Variants in LAMA4 observed in about 807,000 individuals in gnomAD.
LAMA4 encodes laminin subunit alpha 4.
A neutral mutation model predicts 207.1 loss-of-function variants in LAMA4; 127 were observed. The observed-to-expected ratio is 0.61, with a 90% CI of 0.53 to 0.71. The LOEUF is 0.71. Ranked by LOEUF, LAMA4 falls within the 30% of genes least tolerant of loss-of-function variation. LAMA4 has a pLI of 0.00. For synonymous variants in LAMA4, 761 were observed against 816.0 expected (o/e 0.93, Z 1.15); for missense variants, 2,093 against 2,246.5 (o/e 0.93, Z 1.38).
intron 10 of LAMA4, among the ~76,000 whole-genome samples, chr6:112,176,896 A>G (rs1782055490): frequency 6.6e-6 from 1 of 152,202 alleles, no homozygotes; most frequent in South Asian, 2.1e-4. Flanking sequence ...TCCCATGCTT[A>G]AAGGATCAAA....
At position 112,131,009 on chromosome 6, in the gene LAMA4, A is replaced by G. The variant is rs901777581; in HGVS notation, c.3927T>C (p.Asp1309=). 28 of 1,612,996 alleles carry G rather than the reference A, an allele frequency of 1.7e-5. No individual in the cohort carries two copies. Among genetic ancestry groups the G allele is most frequent in the Non-Finnish European group, 2.0e-5 (24 of 1,179,216 alleles). ...AGCTAATGACGAAGTGGGACAGCCC[A>G]TCATTGTACTGCTTATCTACTGACT... The part of the protein sequence containing the change: ...KVQSVDKQYN[D]GLSHFVISSV... The change falls in exon 29 of 39, where the codon GAT becomes GAC. Residue 1309 remains aspartate (D), a synonymous_variant. Coordinates refer to ENST00000230538, the MANE Select transcript of LAMA4 (RefSeq NM_001105206.3).
At chr6:112,224,100 T>A (rs1554361545) in intron 2 of LAMA4, among the ~76,000 whole-genome samples, 1 of 152,168 alleles carries the variant, frequency 6.6e-6, no homozygotes, top group African/African-American at 2.4e-5. Flanking sequence ...CTGGCCTTCC[T>A]CTCACATACC....
intron 18 of LAMA4, among the ~76,000 whole-genome samples, chr6:112,145,883 T>C (rs1356485395): frequency 6.6e-6 from 1 of 152,180 alleles, no homozygotes; most frequent in Non-Finnish European, 1.5e-5. Flanking sequence ...ATTTCTAATA[T>C]AACTGATATA....
chr6:112,204,447 T>C (rs1383533781), intron 4 of LAMA4, among the ~76,000 whole-genome samples: 6 of 151,308 alleles, frequency 4.0e-5, no homozygotes, highest in African/African-American at 1.5e-4. Flanking sequence ...CCATCTGAGA[T>C]TGCCTGCCTA....
chr6:112,229,899 A>G (rs542491204), intron 2 of LAMA4, among the ~76,000 whole-genome samples: 1 of 152,216 alleles, frequency 6.6e-6, no homozygotes, highest in Non-Finnish European at 1.5e-5. Flanking sequence ...GTCAATTTTG[A>G]TAGGTTTCTC....
chr6:112,114,621 CA>C, intron 37 of LAMA4, 41 bp downstream of exon 37: 1 of 1,240,574 alleles, frequency 8.1e-7, no homozygotes, highest in Non-Finnish European at 1.2e-6. Flanking sequence ...CATAATCTTA[CA>C]GTTGGGTGTG....
intron 2 of LAMA4, among the ~76,000 whole-genome samples, chr6:112,235,290 T>C (rs181161182): frequency 6.6e-6 from 1 of 152,320 alleles, no homozygotes; most frequent in East Asian, 1.9e-4. Context: ...TGCTGGGAAT[T>C]GGCAGATTTT....
chr6:112,149,834 T>C (rs976649297), intron 17 of LAMA4, among the ~76,000 whole-genome samples: 3 of 152,214 alleles, frequency 2.0e-5, no homozygotes, highest in Non-Finnish European at 2.9e-5. Flanking sequence ...TGGTGCACTG[T>C]AGCACTGTAG....
chr6:112,133,555 G>A, intron 26 of LAMA4, 68 bp from the exon 27 acceptor site: 1 of 1,571,484 alleles, frequency 6.4e-7, no homozygotes, highest in Non-Finnish European at 8.8e-7. Flanking sequence ...TGTAGGCTAT[G>A]GAATTTGCAT....
At chr6:112,130,343 A>G (rs918087126) in intron 29 of LAMA4, among the ~76,000 whole-genome samples, 1 of 138,368 alleles carries the variant, frequency 7.2e-6, no homozygotes, top group Non-Finnish European at 1.6e-5. Flanking sequence ...TGTGTATAAA[A>G]CAGAGCATAC....
chr6:112,245,116 A>G (rs1219569279), intron 2 of LAMA4, among the ~76,000 whole-genome samples: 2 of 152,240 alleles, frequency 1.3e-5, no homozygotes, highest in East Asian at 3.8e-4. Context: ...CAGGACAGAT[A>G]GCAGGAAAAG....
chr6:112,147,190 T>A (rs1780079060), intron 18 of LAMA4, among the ~76,000 whole-genome samples: 1 of 152,336 alleles, frequency 6.6e-6, no homozygotes, highest in East Asian at 1.9e-4. Flanking sequence ...TTGGTACATA[T>A]TCCCGAGGCA....
chr6:112,219,005 T>C (rs1399482625), intron 2 of LAMA4: 1 of 152,236 alleles, frequency 6.6e-6, no homozygotes, highest in Non-Finnish European at 1.5e-5. Context: ...CTCCCTGGAA[T>C]GGAGTTTTTA....
chr6:112,134,052 C>G (rs1367000323), intron 26 of LAMA4, among the ~76,000 whole-genome samples: 1 of 152,146 alleles, frequency 6.6e-6, no homozygotes, highest in Non-Finnish European at 1.5e-5. Flanking sequence ...TTTCATTATA[C>G]ATAATACACA....
At chr6:112,233,705 AT>A (rs1785704130) in intron 2 of LAMA4, among the ~76,000 whole-genome samples, 1 of 152,138 alleles carries the variant, frequency 6.6e-6, no homozygotes, top group Admixed American at 6.5e-5. Context: ...GCATAGGGCA[AT>A]TTTTAGTTTA....
intron 14 of LAMA4, among the ~76,000 whole-genome samples, chr6:112,156,140 G>T (rs915924968): frequency 6.6e-6 from 1 of 152,244 alleles, no homozygotes; most frequent in East Asian, 1.9e-4. Flanking sequence ...GTATTGTCAA[G>T]GTTTGTTTCA....
In LAMA4 at chr6:112,129,188, A is replaced by ATG. The variant is rs782011252; in HGVS notation, c.4134-115_4134-114dup. 3.5e-4 allele frequency: 173 copies of ATG among 493,556 alleles called. No individual in the cohort carries two copies. In the East Asian group the frequency reaches 6.8e-3, roughly 19 times the overall value. 30.6% of individuals were successfully genotyped at this position (493,556 alleles called of 1,614,324 possible). A position where few individuals can be genotyped will look rare whatever the true frequency, so the allele number is the denominator to read the frequency against. On this transcript the variant is annotated intron_variant, in intron 30 of 38. Transcript: ENST00000230538. ...AATTAAAATGTGTGTGTGTGTGTGC[A>ATG]TGTGTGTGTGTGTGTATGTGTGATG...
chr6:112,142,962 T>C (rs17073410), intron 19 of LAMA4, among the ~76,000 whole-genome samples: 2,176 of 152,294 alleles, frequency 0.014, 48 homozygotes, highest in East Asian at 0.076. Context: ...ATAATAACTG[T>C]AATAATGAGT....
At position 112,128,951 on chromosome 6, in the gene LAMA4, A is replaced by G. The variant is rs782596320; in HGVS notation, c.4258T>C (p.Ser1420Pro). Reference sequence around the variant, plus strand: ...TTATTCTGACTTGCTTTAGGCTTGGATAAATTTTTTCCTTTTTTATGGAGG... The same window carrying G: ...TTATTCTGACTTGCTTTAGGCTTGGGTAAATTTTTTCCTTTTTTATGGAGG... ...FLLHKKGKNL[S>P]KPKASQNKKG... Residue 1420 changes from serine to proline, a missense_variant, in exon 31 of 39, where the codon TCC (serine) becomes CCC (proline). Physicochemically the swap from Ser to Pro is moderately conservative, Grantham distance 74. Around this residue, in one of 3 missense-constraint regions of LAMA4, gnomAD observed 1,704 missense variants for 1,788.4 expected, o/e 0.95. Transcript: ENST00000230538. 6.2e-7 allele frequency: 1 copy of G among 1,613,496 alleles called. No homozygotes were observed. Among genetic ancestry groups the G allele is most frequent in the Non-Finnish European group, 8.5e-7 (1 of 1,179,554 alleles).
Sources: gnomAD v4.1 joint callset for allele counts (sites outside exome capture counted in the v4.1 genomes callset) on GRCh38, gnomAD v4.1.1 for gene constraint, gnomAD v4.1.1 regional missense constraint, MANE v1.5 for transcripts, NCBI Gene and HGNC (gene_info 2026-07-23, HGNC 2026-07-21) for gene names.